Variants in BCL6 observed in about 807,000 individuals in gnomAD.
BCL6 encodes BCL6 transcription repressor.
In BCL6, 7 loss-of-function variants were observed where a neutral mutation model predicts 59.5. The observed-to-expected ratio is 0.12, with a 90% CI of 0.07 to 0.22. The LOEUF (loss-of-function observed/expected upper bound fraction) is 0.22, where lower values mean the gene tolerates loss of function less well. Among genes scored for constraint, BCL6 ranks in the 10% least tolerant of loss-of-function variants. BCL6 has a pLI of 1.00. For synonymous variants in BCL6, 339 were observed against 349.7 expected, an observed-to-expected ratio of 0.97 and a Z score of 0.34; for missense variants, 685 against 939.4, an observed-to-expected ratio of 0.73 and a Z score of 3.54.
chr3:187,745,317 A>G (rs1711900128), intron 1 of BCL6, 93 bp downstream of exon 1: 1 of 400,980 alleles, frequency 2.5e-6, no homozygotes, highest in Admixed American at 4.4e-5. Context: ...TAAAATAATG[A>G]TCATGAGCAG....
intron 1 of BCL6, among the ~76,000 whole-genome samples, chr3:187,744,856 GC>G (rs1711832093): frequency 1.3e-5 from 2 of 152,236 alleles, no homozygotes; most frequent in African/African-American, 4.8e-5. Context: ...AAAAAACACA[GC>G]CGCACGAATC....
At chr3:187,730,602 C>T (rs1359134914) in intron 4 of BCL6, among the ~76,000 whole-genome samples, 1 of 152,212 alleles carries the variant, frequency 6.6e-6, no homozygotes, top group Non-Finnish European at 1.5e-5. Context: ...TGGTCTAGAG[C>T]AGCCAGACCT....
intron 9 of BCL6, among the ~76,000 whole-genome samples, chr3:187,723,431 C>T (rs942476672): frequency 1.2e-4 from 18 of 152,142 alleles, no homozygotes; most frequent in Non-Finnish European, 7.3e-5. Context: ...AAAGTACGAA[C>T]TTTAGCTTAT....
intron 1 of BCL6, among the ~76,000 whole-genome samples, chr3:187,738,317 T>C (rs1579824973): frequency 6.6e-6 from 1 of 152,178 alleles, no homozygotes; most frequent in Non-Finnish European, 1.5e-5. Flanking sequence ...ATGGAGTCCC[T>C]AGGGGCTGAG....
At chr3:187,744,845 G>C (rs1176255467) in intron 1 of BCL6, among the ~76,000 whole-genome samples, 2 of 152,074 alleles carry the variant, frequency 1.3e-5, no homozygotes, top group East Asian at 1.9e-4. Context: ...AGAAAAGAGG[G>C]AAAAAACACA....
chr3:187,729,720 C>G lies in BCL6; in HGVS notation c.685G>C (p.Ala229Pro). 1 of 1,614,090 alleles carries G rather than the reference C, an allele frequency of 6.2e-7. No homozygotes were observed. The highest frequency in any genetic ancestry group is 8.5e-7 in the Non-Finnish European group (1 of 1,179,988). Reference sequence around the variant, plus strand: ...GGCCTGGCACTATCACATGGGAGTGCCCGCTCCTTGGGGAAGGGGTTGGCC... The same window carrying G: ...GGCCTGGCACTATCACATGGGAGTGGCCGCTCCTTGGGGAAGGGGTTGGCC... ...PVANPFPKER[A>P]LPCDSARPVP... The change falls in exon 5 of 10, where the codon GCA (alanine) becomes CCA (proline). Residue 229 changes from alanine to proline, a missense_variant. Transcript: ENST00000406870. This position sits in a 1 kb window ranked among gnomAD's most constrained non-coding sequence, Gnocchi z 5.6.
In BCL6 at chr3:187,725,103, G is replaced by A. The variant is rs747374895; in HGVS notation, c.1840-25C>T. 1.9e-6 allele frequency: 3 copies of A among 1,613,026 alleles called. No homozygotes were observed. Among genetic ancestry groups the A allele is most frequent in the Admixed American group, 1.7e-5 (1 of 60,026 alleles). On this transcript the variant is annotated intron_variant, in intron 8 of 9. Transcript: ENST00000406870. This position sits in a 1 kb window ranked among gnomAD's most constrained non-coding sequence, Gnocchi z 4.7. ...CCTGAACGAAGAAGAAGGCATGAGA[G>A]GTCTTCTGGGGTGGGCTGCAGGCCT...
At chr3:187,744,289 GA>G (rs1711764656) in intron 1 of BCL6, among the ~76,000 whole-genome samples, 1 of 152,038 alleles carries the variant, frequency 6.6e-6, no homozygotes, top group East Asian at 1.9e-4. Flanking sequence ...CCCGCACACT[GA>G]AAGGCATCGC....
intron 3 of BCL6, chr3:187,732,565 A>ATCTTGAT (rs1472019507): frequency 6.1e-6 from 1 of 162,732 alleles, no homozygotes; most frequent in Non-Finnish European, 1.4e-5. Context: ...CTGAGCTATC[A>ATCTTGAT]TCTTGATTCT....
At chr3:187,739,760 G>A (rs1711526574) in intron 1 of BCL6, among the ~76,000 whole-genome samples, 1 of 152,166 alleles carries the variant, frequency 6.6e-6, no homozygotes, top group Admixed American at 6.5e-5. Context: ...TCCCTCGGCC[G>A]TCCTGGCTGG....
intron 1 of BCL6, among the ~76,000 whole-genome samples, chr3:187,739,602 T>C (rs552883112): frequency 2.6e-5 from 4 of 152,180 alleles, no homozygotes; most frequent in Non-Finnish European, 5.9e-5. Flanking sequence ...TGCAAGCTTC[T>C]AGGAAATGCA....
At chr3:187,741,631 C>T (rs1285047200) in intron 1 of BCL6, among the ~76,000 whole-genome samples, 2 of 152,178 alleles carry the variant, frequency 1.3e-5, no homozygotes, top group Admixed American at 1.3e-4. Flanking sequence ...ACGCTGCACC[C>T]TCGCTGTGCT....
At chr3:187,745,084 A>C (rs1711864850) in intron 1 of BCL6, among the ~76,000 whole-genome samples, 1 of 152,128 alleles carries the variant, frequency 6.6e-6, no homozygotes, top group South Asian at 2.1e-4. Context: ...AGGGTGGCAA[A>C]AGCCTCCCCA....
At chr3:187,743,960 G>C (rs113778293) in intron 1 of BCL6, among the ~76,000 whole-genome samples, 4 of 152,176 alleles carry the variant, frequency 2.6e-5, no homozygotes, top group African/African-American at 7.2e-5. Flanking sequence ...CCTCAGCCAC[G>C]GCCACAAAGT....
chr3:187,745,107 C>A (rs1047415787), intron 1 of BCL6, among the ~76,000 whole-genome samples: 1 of 152,228 alleles, frequency 6.6e-6, no homozygotes, highest in South Asian at 2.1e-4. Context: ...CCGGCCGATT[C>A]ACTCAAAGAC....
chr3:187,736,712 T>C (rs1158505886), intron 1 of BCL6: 2 of 152,002 alleles, frequency 1.3e-5, no homozygotes, highest in African/African-American at 4.8e-5. Context: ...CTTCTCAAGT[T>C]CACTCCTTTG....
In BCL6 at chr3:187,734,889, C is replaced by A. The variant is rs781405049; in HGVS notation, c.-31G>T. On this transcript the variant is annotated 5_prime_UTR_variant, in exon 2 of 10. Transcript: ENST00000406870. ...CTTACCCAATGCCTTGCTTCACAGT[C>A]CAAAATTTTGCTCAAAACCTACAGA... The A allele has an allele frequency of 6.6e-6, 1 of 152,544 alleles. No homozygotes were observed. The highest frequency in any genetic ancestry group is 1.5e-5 in the Non-Finnish European group (1 of 68,036). The allele number at this position is 152,544 out of a possible 1,614,324, so 9.4% of individuals were successfully genotyped here. A position where few individuals can be genotyped will look rare whatever the true frequency, so the allele number is the denominator to read the frequency against.
At chr3:187,734,778 AGTGG>A (rs1309264412) in intron 2 of BCL6, 87 bp downstream of exon 2, 1 of 152,696 alleles carries the variant, frequency 6.5e-6, no homozygotes, top group Non-Finnish European at 1.5e-5. Context: ...TATAATGAAC[AGTGG>A]CAAAGTTCAC....
chr3:187,744,877 C>A (rs906408453), intron 1 of BCL6, among the ~76,000 whole-genome samples: 3 of 152,240 alleles, frequency 2.0e-5, no homozygotes, highest in Admixed American at 6.5e-5. Flanking sequence ...CCAGAGAGAT[C>A]ACAAGCCGTA....
Sources: allele counts gnomAD v4.1 joint callset (sites outside exome capture counted in the v4.1 genomes callset), GRCh38; gene constraint gnomAD v4.1.1; non-coding constraint Gnocchi (gnomAD v3.1); transcripts MANE v1.5; gene names NCBI Gene and HGNC (gene_info 2026-07-23, HGNC 2026-07-21).